Variants in GSAP observed in about 807,000 individuals in gnomAD.
GSAP encodes the protein gamma-secretase activating protein.
A neutral mutation model predicts 131.7 loss-of-function variants in GSAP; 118 were observed. The observed-to-expected ratio is 0.90, with a 90% CI of 0.77 to 1.04. The LOEUF is 1.04. Among genes scored for constraint, GSAP ranks in the 50% least tolerant of loss-of-function variants. The pLI is 0.00. For missense variants in GSAP, 1,019 were observed against 1,013.2 expected (o/e 1.01, Z -0.08); for synonymous variants, 381 against 363.4 (o/e 1.05, Z -0.55).
chr7:77,311,101 G>C lies in GSAP; in HGVS notation c.*257C>G. 1 of 357,116 alleles carries C rather than the reference G, an allele frequency of 2.8e-6. No homozygotes were observed. Among genetic ancestry groups the C allele is most frequent in the Non-Finnish European group, 5.1e-6 (1 of 196,456 alleles). 22.1% of individuals were successfully genotyped at this position (357,116 alleles called of 1,614,324 possible). The stretch of plus-strand genomic sequence containing the variant: ...GTGGCCTATTAAGCTACTAGGAAGA[G>C]CATCGTTTATGCCACTGTATGCCTT... On this transcript the variant is annotated 3_prime_UTR_variant, in exon 31 of 31. Coordinates refer to ENST00000257626, the MANE Select transcript of GSAP (RefSeq NM_017439.4).
intron 19 of GSAP, among the ~76,000 whole-genome samples, chr7:77,341,815 G>A (rs1348381255): frequency 3.3e-5 from 5 of 152,176 alleles, no homozygotes; most frequent in Non-Finnish European, 7.3e-5. Context: ...TAATAGAGTA[G>A]AGGCAGCCAA....
At chr7:77,343,066 G>A (rs1208133846) in intron 19 of GSAP, among the ~76,000 whole-genome samples, 2 of 152,190 alleles carry the variant, frequency 1.3e-5, no homozygotes, top group Non-Finnish European at 2.9e-5. Context: ...CCAAAGTGCA[G>A]GGCTGTATGG....
At chr7:77,365,505 T>A (rs1311522886) in intron 12 of GSAP, among the ~76,000 whole-genome samples, 1 of 152,126 alleles carries the variant, frequency 6.6e-6, no homozygotes, top group Non-Finnish European at 1.5e-5. Context: ...GTTCCTGCGT[T>A]AGTTTGCTAA....
At chr7:77,370,388 G>A (rs1363902265) in intron 12 of GSAP, among the ~76,000 whole-genome samples, 1 of 152,206 alleles carries the variant, frequency 6.6e-6, no homozygotes, top group African/African-American at 2.4e-5. Flanking sequence ...TTGAACCCGG[G>A]AGGAGGAGGT....
At chr7:77,320,670 C>T in intron 26 of GSAP, 55 bp downstream of exon 26, 1 of 981,844 alleles carries the variant, frequency 1.0e-6, no homozygotes, top group Non-Finnish European at 1.6e-6. Context: ...GGCAAGGGCC[C>T]ATATGAAGAA....
At position 77,362,624 on chromosome 7, in the gene GSAP, GA is replaced by G. The variant is rs1407385314; in HGVS notation, c.907del (p.Ser303LeufsTer31). On this transcript the variant is annotated frameshift_variant, in exon 13 of 31. Coordinates refer to ENST00000257626, the MANE Select transcript of GSAP (RefSeq NM_017439.4). LOFTEE classifies it high-confidence loss of function. The stretch of plus-strand genomic sequence containing the variant: ...CACTGAATATGTGATTTGTCCCCAA[GA>G]GGCACACTTCGGGCTGTAACATACA... ...LCVCYSPKCA[S>X]WGQITYSVFY... 34 of 1,586,670 alleles carry G rather than the reference GA, an allele frequency of 2.1e-5. No individual in the cohort carries two copies. The highest frequency in any genetic ancestry group is 2.6e-5 in the Non-Finnish European group (30 of 1,155,672).
At chr7:77,319,881 T>C (rs1240008619) in intron 26 of GSAP, among the ~76,000 whole-genome samples, 2 of 151,700 alleles carry the variant, frequency 1.3e-5, no homozygotes, top group Admixed American at 6.6e-5. Flanking sequence ...AACCGGGGAG[T>C]AGGGGATAAG....
chr7:77,339,373 T>C (rs1294472469), intron 19 of GSAP, among the ~76,000 whole-genome samples: 1 of 151,988 alleles, frequency 6.6e-6, no homozygotes, highest in African/African-American at 2.4e-5. Flanking sequence ...GCATTTGGGG[T>C]AGGTGGAGTT....
chr7:77,365,042 C>T (rs563732514), intron 12 of GSAP, among the ~76,000 whole-genome samples: 1 of 152,158 alleles, frequency 6.6e-6, no homozygotes, highest in Non-Finnish European at 1.5e-5. Flanking sequence ...CTCACTGTAG[C>T]CTTAACCTCC....
chr7:77,339,271 A>G (rs1038527282), intron 19 of GSAP, among the ~76,000 whole-genome samples: 6 of 152,132 alleles, frequency 3.9e-5, no homozygotes, highest in African/African-American at 9.7e-5. Context: ...AATGGGTGGT[A>G]TTACGCGAGC....
intron 1 of GSAP, among the ~76,000 whole-genome samples, chr7:77,412,619 C>T (rs1803474404): frequency 6.6e-6 from 1 of 151,564 alleles, no homozygotes; most frequent in Non-Finnish European, 1.5e-5. Context: ...ACTATAATCC[C>T]AAAAACATAA....
chr7:77,374,360 A>G (rs1048798416), intron 11 of GSAP, among the ~76,000 whole-genome samples: 24 of 152,198 alleles, frequency 1.6e-4, no homozygotes, highest in African/African-American at 5.5e-4. Context: ...GATAACAAGG[A>G]AAAAATATTA....
intron 5 of GSAP, among the ~76,000 whole-genome samples, chr7:77,389,194 C>G (rs1020520937): frequency 1.3e-5 from 2 of 151,572 alleles, no homozygotes; most frequent in African/African-American, 2.4e-5. Context: ...TTAAATAGCA[C>G]GAACTGACAT....
intron 24 of GSAP, 148 bp from the exon 25 acceptor site, chr7:77,321,551 T>G: frequency 1.6e-6 from 1 of 621,898 alleles, no homozygotes; most frequent in Non-Finnish European, 2.9e-6. Context: ...TGAGGTCAAT[T>G]CTGAAGCACT....
At position 77,349,779 on chromosome 7, in the gene GSAP, C is replaced by T. The variant is rs191177387; in HGVS notation, c.1492-375G>A. On this transcript the variant is annotated intron_variant, in intron 18 of 30. Transcript: ENST00000257626. ...AAATGTTTCATTATCAATACTCCTT[C>T]CTCTCTCTTCTTTCACTTAAATGTA... 2.8e-3 allele frequency among the ~76,000 whole-genome samples: 424 copies of T among 152,242 alleles called. 1 individual carries two copies. The highest frequency in any genetic ancestry group is 4.8e-3 in the Non-Finnish European group (328 of 68,012).
chr7:77,402,684 T>TAAA (rs60282862), intron 3 of GSAP, among the ~76,000 whole-genome samples: 110 of 111,846 alleles, frequency 9.8e-4, no homozygotes, highest in East Asian at 3.7e-3. Flanking sequence ...AAAAGGTCCG[T>TAAA]AAAAAAAAAA....
In GSAP at chr7:77,376,909, TA is replaced by T; in HGVS notation, c.682-3del. 7.0e-7 allele frequency: 1 copy of T among 1,429,902 alleles called. No homozygotes were observed. The highest frequency in any genetic ancestry group is 9.6e-7 in the Non-Finnish European group (1 of 1,043,996). 88.6% of individuals were successfully genotyped at this position (1,429,902 alleles called of 1,614,324 possible). A position where few individuals can be genotyped will look rare whatever the true frequency, so the allele number is the denominator to read the frequency against. On this transcript the variant is annotated splice_polypyrimidine_tract_variant and splice_region_variant and intron_variant, in intron 9 of 30. Coordinates refer to ENST00000257626, the MANE Select transcript of GSAP (RefSeq NM_017439.4). Reference sequence around the variant, plus strand: ...ACATTTTAAGATACTCCTTGATTTCTAAAAGAGAAAACAGAATGGCATATTA... The same window carrying T: ...ACATTTTAAGATACTCCTTGATTTCTAAAGAGAAAACAGAATGGCATATTA...
At chr7:77,333,193 A>G (rs557119765) in intron 19 of GSAP, among the ~76,000 whole-genome samples, 5 of 152,172 alleles carry the variant, frequency 3.3e-5, no homozygotes, top group Non-Finnish European at 7.4e-5. Flanking sequence ...AGATTATTCT[A>G]AATTGGAAGG....
intron 18 of GSAP, among the ~76,000 whole-genome samples, chr7:77,352,549 T>C (rs1793040941): frequency 6.6e-6 from 1 of 152,158 alleles, no homozygotes; most frequent in Admixed American, 6.5e-5. Context: ...TTAATGGGGC[T>C]GGAAAAAGGG....
Sources: allele counts gnomAD v4.1 joint callset (sites outside exome capture counted in the v4.1 genomes callset), GRCh38; gene constraint gnomAD v4.1.1; transcripts MANE v1.5; gene names NCBI Gene and HGNC (gene_info 2026-07-23, HGNC 2026-07-21).